Variants in COL9A3 observed in about 807,000 individuals in gnomAD.
COL9A3 encodes the protein collagen type IX alpha 3 chain, also known as collagen alpha-3(IX) chain.
COL9A3 carries 82 observed loss-of-function variants against 110.2 expected under a neutral mutation model. The observed-to-expected ratio is 0.74, with a 90% CI of 0.62 to 0.89. COL9A3 has a LOEUF of 0.89. COL9A3 is among the 40% of genes least tolerant of loss of function. The probability of loss-of-function intolerance (pLI) is 0.00; values close to 1 mark genes in which losing one functional copy is unlikely to be tolerated. For synonymous variants in COL9A3, 494 were observed against 403.8 expected, an observed-to-expected ratio of 1.22 and a Z score of -2.68; for missense variants, 1,066 against 981.3, an observed-to-expected ratio of 1.09 and a Z score of -1.15.
rs374892819 is a variant in COL9A3, at chr20:62,825,804, C to G, written c.631-13C>G. The G allele has an allele frequency of 5.4e-5, 84 of 1,552,312 alleles. No homozygotes were observed. The highest frequency in any genetic ancestry group is 1.7e-4 in the Middle Eastern group (1 of 6,008). On this transcript the variant is annotated splice_polypyrimidine_tract_variant and intron_variant, in intron 12 of 31. Transcript: ENST00000649368. ...AGACTGGGCCGCTGACCACCCTATCCCCTCTGTTTCAGGGTGACCCTGGCC... is the reference window on the plus strand; with the variant it reads ...AGACTGGGCCGCTGACCACCCTATCGCCTCTGTTTCAGGGTGACCCTGGCC...
intron 17 of COL9A3, 114 bp from the exon 18 acceptor site, chr20:62,828,650 T>C: frequency 8.3e-7 from 1 of 1,201,796 alleles, no homozygotes; most frequent in East Asian, 2.4e-5. Context: ...TGCCAGGGTG[T>C]GGGGGCAGAC....
intron 16 of COL9A3, among the ~76,000 whole-genome samples, chr20:62,827,509 G>GC (rs2063563759): frequency 6.6e-6 from 1 of 152,146 alleles, no homozygotes; most frequent in Non-Finnish European, 1.5e-5. Flanking sequence ...GAGCTCTGTG[G>GC]CCCCCTGCAG....
In COL9A3 at chr20:62,833,064, G is replaced by A; in HGVS notation, c.1368G>A (p.Leu456=). ...SDGLPGDKGE[L]GPSGLVGPKG... Reference sequence around the variant, plus strand: ...GTCTTCCTGGGGATAAAGGAGAACTGGTGAGTAATTAGGTAACCTCACTGT... The same window carrying A: ...GTCTTCCTGGGGATAAAGGAGAACTAGTGAGTAATTAGGTAACCTCACTGT... Residue 456 remains leucine, a splice_region_variant and synonymous_variant, in exon 26 of 32, where the codon CTG becomes CTA. Coordinates refer to ENST00000649368, the MANE Select transcript of COL9A3 (RefSeq NM_001853.4). 1 of 1,612,788 alleles carries A rather than the reference G, an allele frequency of 6.2e-7. No individual in the cohort carries two copies.
chr20:62,836,728 C>G, intron 29 of COL9A3, 196 bp downstream of exon 29: 1 of 651,030 alleles, frequency 1.5e-6, no homozygotes, highest in Non-Finnish European at 2.6e-6. Context: ...GGATGGCCCA[C>G]GCTCCCGCCC....
Position 62,820,256 on chromosome 20 carries a change from G to A in COL9A3, c.309+274G>A, listed in dbSNP as rs111745687. ...TGGTTTGGGGGAACCCACCCCAGGT[G>A]CCTCCTCAGAATGTCCCTGAAGCCC... On this transcript the variant is annotated intron_variant, in intron 5 of 31. Transcript: ENST00000649368. Among the ~76,000 whole-genome samples, 369 of 152,154 alleles carry A rather than the reference G, an allele frequency of 2.4e-3. 1 individual carries two copies. The highest frequency in any genetic ancestry group is 8.3e-3 in the African/African-American group (346 of 41,516).
intron 4 of COL9A3, 55 bp from the exon 5 acceptor site, chr20:62,819,874 G>A: frequency 1.9e-6 from 3 of 1,604,018 alleles, no homozygotes. Flanking sequence ...TTTGCCTGGG[G>A]GGTGGCATGT....
rs749575376 is a variant in COL9A3, at chr20:62,821,193, C to T, written c.322C>T (p.Pro108Ser). 2 of 1,613,162 alleles carry T rather than the reference C, an allele frequency of 1.2e-6. No homozygotes were observed. The highest frequency in any genetic ancestry group is 8.5e-7 in the Non-Finnish European group (1 of 1,179,750). Reference sequence around the variant, plus strand: ...TTTCCTCCCACAGGGAAGTCTGGGACCCCCGGGGCCGCCCGGGCTGGGGGT... The same window carrying T: ...TTTCCTCCCACAGGGAAGTCTGGGATCCCCGGGGCCGCCCGGGCTGGGGGT... ...GAPGERGSLG[P>S]PGPPGLGGKG... Residue 108 changes from proline to serine, a missense_variant, in exon 6 of 32, where the codon CCC (proline) becomes TCC (serine). Physicochemically the swap from Pro to Ser is moderately conservative, Grantham distance 74 (BLOSUM62 -1). Transcript: ENST00000649368.
rs200933333 is a variant in COL9A3 at position 62,837,088 on chromosome 20, A to C, written c.1609A>C (p.Ile537Leu). The C allele has an allele frequency of 1.8e-5, 29 of 1,613,282 alleles. No individual in the cohort carries two copies. The South Asian group carries it at 2.7e-4, about 15-fold the overall frequency. ...GCACCCTTGTTTTCCCAAAGAACAA[A>C]TTGCACAGTTAGCCGCGCACCTAAG... ...ELCGGMISEQIAQLAAHLRKP... is the reference protein window; with the variant it reads ...ELCGGMISEQLAQLAAHLRKP... The change falls in exon 30 of 32, where the codon ATT becomes CTT. Residue 537 changes from isoleucine (I) to leucine (L), a missense_variant. By Grantham distance (5) the Ile-to-Leu change is conservative. Coordinates refer to ENST00000649368, the MANE Select transcript of COL9A3 (RefSeq NM_001853.4).
At chr20:62,825,739 A>G in intron 12 of COL9A3, 78 bp from the exon 13 acceptor site, 6 of 1,436,312 alleles carry the variant, frequency 4.2e-6, no homozygotes, top group Non-Finnish European at 5.8e-6. Flanking sequence ...CTTGGGCTTG[A>G]GTAGGGTGAC....
intron 26 of COL9A3, among the ~76,000 whole-genome samples, chr20:62,833,923 A>T (rs2063616400): frequency 6.6e-6 from 1 of 151,880 alleles, no homozygotes; most frequent in East Asian, 1.9e-4. Flanking sequence ...TCTTTCGCCC[A>T]GGCTGGAGTG....
At chr20:62,824,855 G>T (rs979730810) in intron 11 of COL9A3, 113 bp from the exon 12 acceptor site, 2 of 1,152,674 alleles carry the variant, frequency 1.7e-6, no homozygotes, top group African/African-American at 1.5e-5. Flanking sequence ...GGTCCTGTGC[G>T]CTGCCGTGTG....
chr20:62,817,023 G>A, upstream of COL9A3: 1 of 1,164,922 alleles, frequency 8.6e-7, no homozygotes. Context: ...GCCCGCCCGC[G>A]CGCCGCCCGC....
chr20:62,829,023 C>T (rs775837484), intron 19 of COL9A3, 47 bp downstream of exon 19: 25 of 1,552,900 alleles, frequency 1.6e-5, no homozygotes, highest in Admixed American at 1.9e-5. Flanking sequence ...ACAGCTTCTG[C>T]CTGCTCAGTG....
chr20:62,818,853 G>C (rs1991023287), intron 3 of COL9A3, among the ~76,000 whole-genome samples: 1 of 152,214 alleles, frequency 6.6e-6, no homozygotes, highest in South Asian at 2.1e-4. Flanking sequence ...GTCACCTGGA[G>C]CCCTCCCACC....
intron 4 of COL9A3, 44 bp downstream of exon 4, chr20:62,819,337 C>T (rs776846997): frequency 2.8e-5 from 44 of 1,571,678 alleles, no homozygotes; most frequent in Non-Finnish European, 3.6e-5. Context: ...CTCCCCGCTC[C>T]GGGTCCCTGG....
At position 62,838,849 on chromosome 20, in the gene COL9A3, T is replaced by TG. The variant is rs1166709406; in HGVS notation, c.1864+91dup. 2.8e-6 allele frequency: 3 copies of TG among 1,061,348 alleles called. No individual in the cohort carries two copies. In the Admixed American group the frequency reaches 6.0e-5, roughly 21 times the overall value. 65.7% of individuals were successfully genotyped at this position (1,061,348 alleles called of 1,614,324 possible). ...ATGTGGGGCGTGCTTGGGTTATGAA[T>TG]GGGTCTCTTTTCCTCTTCTCTTGGC... On this transcript the variant is annotated intron_variant, in intron 31 of 31. Transcript: ENST00000649368.
chr20:62,832,653 A>AG (rs769185400), intron 25 of COL9A3, among the ~76,000 whole-genome samples: 55 of 116,184 alleles, frequency 4.7e-4, no homozygotes, highest in South Asian at 4.1e-3. Context: ...GAAAAGTGTC[A>AG]GGGTGGGTGG....
intron 29 of COL9A3, 25 bp from the exon 30 acceptor site, chr20:62,837,058 C>T (rs778790794): frequency 2.4e-5 from 38 of 1,611,024 alleles, no homozygotes; most frequent in Middle Eastern, 3.3e-4. Context: ...CTCGAGTAAA[C>T]GCCTGCACCC....
chr20:62,831,220 G>A (rs1279747677), intron 24 of COL9A3: 4 of 152,304 alleles, frequency 2.6e-5, no homozygotes, highest in African/African-American at 9.6e-5. Flanking sequence ...TGCTGGTCTT[G>A]CAGCAGCTGC....
Sources: gnomAD v4.1 joint callset for allele counts (sites outside exome capture counted in the v4.1 genomes callset) on GRCh38, gnomAD v4.1.1 for gene constraint, MANE v1.5 for transcripts, NCBI Gene and HGNC (gene_info 2026-07-23, HGNC 2026-07-21) for gene names.